Variants in ACADSB observed in about 807,000 individuals in gnomAD.
ACADSB encodes short/branched chain specific acyl-CoA dehydrogenase, mitochondrial.
A neutral mutation model predicts 54.1 loss-of-function variants in ACADSB; 40 were observed. That is an observed-to-expected ratio of 0.74 (90% CI 0.57 to 0.96). ACADSB has a LOEUF of 0.96. Ranked by LOEUF, ACADSB falls within the 40% of genes least tolerant of loss-of-function variation. The pLI, the probability that ACADSB is intolerant of heterozygous loss-of-function variation, is 0.00. For synonymous variants in ACADSB, 182 were observed against 182.8 expected (o/e 1.00, Z 0.03); for missense variants, 530 against 510.4 (o/e 1.04, Z -0.37).
At position 123,043,190 on chromosome 10, in the gene ACADSB, T is replaced by C. The variant is rs1850498424; in HGVS notation, c.807+19T>C. On this transcript the variant is annotated intron_variant, in intron 6 of 10. Transcript: ENST00000358776. ...TGTCAAGGTGGGTATCGTAGACTAATCAGTAAAAGACTGATGCGAAATAAG... is the reference window on the plus strand; with the variant it reads ...TGTCAAGGTGGGTATCGTAGACTAACCAGTAAAAGACTGATGCGAAATAAG... 5 of 1,613,008 alleles carry C rather than the reference T, an allele frequency of 3.1e-6. No homozygotes were observed. Among genetic ancestry groups the C allele is most frequent in the Non-Finnish European group, 4.2e-6 (5 of 1,179,270 alleles).
rs751622332 is a variant in ACADSB, at chr10:123,044,415, G to A, written c.830G>A (p.Gly277Glu). 5.0e-6 allele frequency: 8 copies of A among 1,613,556 alleles called. No homozygotes were observed. The highest frequency in any genetic ancestry group is 2.2e-5 in the East Asian group (1 of 44,866). Reference protein sequence around the residue: ...NVKVPEANILGQIGHGYKYAI... With the variant: ...NVKVPEANILEQIGHGYKYAI... ...CAGGTTCCAGAAGCCAATATCTTGG[G>A]ACAAATTGGACATGGCTATAAGTAT... is the stretch of plus-strand genomic sequence containing the variant. The change falls in exon 7 of 11, where the codon GGA becomes GAA. Residue 277 changes from glycine (G) to glutamate (E), a missense_variant. Coordinates refer to ENST00000358776, the MANE Select transcript of ACADSB (RefSeq NM_001609.4).
chr10:123,009,048 C>G lies in ACADSB; in HGVS notation c.19C>G (p.Arg7Gly), dbSNP rs1351638870. 4 of 1,547,612 alleles carry G rather than the reference C, an allele frequency of 2.6e-6. No homozygotes were observed. The highest frequency in any genetic ancestry group is 4.9e-5 in the East Asian group (2 of 40,898). ...GGCGAGGATGGAGGGCCTGGCAGTG[C>G]GGTTGCTGCGCGGCAGCAGGCTGGT... is the stretch of plus-strand genomic sequence containing the variant. Reference protein sequence around the residue: MEGLAVRLLRGSRLLRR... With the variant: MEGLAVGLLRGSRLLRR... Residue 7 changes from arginine (R) to glycine (G), a missense_variant, in exon 1 of 11, where the codon CGG becomes GGG. Arg to Gly is a moderately radical substitution (Grantham distance 125). Coordinates refer to ENST00000358776, the MANE Select transcript of ACADSB (RefSeq NM_001609.4).
chr10:123,040,794 T>C, intron 4 of ACADSB, 122 bp downstream of exon 4: 2 of 918,390 alleles, frequency 2.2e-6, no homozygotes, highest in South Asian at 2.9e-5. Context: ...GTATCATTAA[T>C]TCAAGCAATG....
In ACADSB at chr10:123,057,152, C is replaced by T. The variant is rs1850719430; in HGVS notation, c.*3387C>T. The T allele has an allele frequency of 6.6e-6, 1 of 152,234 alleles. No homozygotes were observed. Among genetic ancestry groups the T allele is most frequent in the African/African-American group, 2.4e-5 (1 of 41,442 alleles). 9.4% of individuals were successfully genotyped at this position (152,234 alleles called of 1,614,324 possible). A position where few individuals can be genotyped will look rare whatever the true frequency, so the allele number is the denominator to read the frequency against. On this transcript the variant is annotated 3_prime_UTR_variant, in exon 11 of 11. Transcript: ENST00000358776. Reference sequence around the variant, plus strand: ...AAGCCAACATTAGTAAAAGGAATCCCAACTTCTTCCCATAGAATTAGAAAC... The same window carrying T: ...AAGCCAACATTAGTAAAAGGAATCCTAACTTCTTCCCATAGAATTAGAAAC...
intron 1 of ACADSB, among the ~76,000 whole-genome samples, chr10:123,016,426 A>G (rs549537252): frequency 5.9e-5 from 9 of 152,220 alleles, no homozygotes; most frequent in Non-Finnish European, 1.2e-4. Flanking sequence ...TCAGCAGTCC[A>G]TGAGTGGTTG....
chr10:123,045,328 G>A (rs1378935326), intron 7 of ACADSB, among the ~76,000 whole-genome samples: 4 of 108,608 alleles, frequency 3.7e-5, no homozygotes, highest in South Asian at 3.6e-4. Flanking sequence ...ACAGGCGCCC[G>A]CCACCACGCC....
rs1459854391 is a variant in ACADSB, at chr10:123,045,160, TATATATATATA to T, written c.900+676_900+686del. Among the ~76,000 whole-genome samples the T allele has an allele frequency of 5.2e-3, 79 of 15,084 alleles. 1 individual carries two copies. The highest frequency in any genetic ancestry group is 9.5e-3 in the African/African-American group (31 of 3,260). 9.9% of individuals were successfully genotyped at this position (15,084 alleles called of 152,430 possible). ...ATATATATATATATATATATATATA[TATATATATATA>T]TTTTTTTTTTTTTTTTTTTTTTTTT... is the stretch of plus-strand genomic sequence containing the variant. On this transcript the variant is annotated intron_variant, in intron 7 of 10. Coordinates refer to ENST00000358776, the MANE Select transcript of ACADSB (RefSeq NM_001609.4).
chr10:123,021,423 T>C (rs1388319507), intron 1 of ACADSB, among the ~76,000 whole-genome samples: 1 of 152,230 alleles, frequency 6.6e-6, no homozygotes, highest in Non-Finnish European at 1.5e-5. Context: ...AGAATTTCTT[T>C]TACAAGATTA....
intron 5 of ACADSB, 95 bp from the exon 6 acceptor site, chr10:123,042,951 A>G (rs1850494358): frequency 6.9e-7 from 1 of 1,445,594 alleles, no homozygotes; most frequent in African/African-American, 1.4e-5. Context: ...ATTTATTACC[A>G]AAGTCCATTT....
intron 2 of ACADSB, among the ~76,000 whole-genome samples, chr10:123,035,005 A>C (rs1370082251): frequency 6.0e-5 from 9 of 149,354 alleles, no homozygotes; most frequent in Non-Finnish European, 1.3e-4. Flanking sequence ...GCTGGAGTGC[A>C]GTGGCGCAAT....
In ACADSB at chr10:123,033,288, G is replaced by A. The variant is rs76732868; in HGVS notation, c.43-1068G>A. Among the ~76,000 whole-genome samples, 1,006 of 152,326 alleles carry A rather than the reference G, an allele frequency of 6.6e-3. 7 individuals carry two copies. Among genetic ancestry groups the A allele is most frequent in the African/African-American group, 0.023 (949 of 41,568 alleles). The stretch of plus-strand genomic sequence containing the variant: ...CCCGGGTGAATCCAGAGCAGAGTAT[G>A]TCTGCTCCTAGGCACATAGTTGCAA... On this transcript the variant is annotated intron_variant, in intron 1 of 10. Coordinates refer to ENST00000358776, the MANE Select transcript of ACADSB (RefSeq NM_001609.4).
rs1348737402 is a variant in ACADSB, at chr10:123,054,454, A to G, written c.*689A>G. The G allele has an allele frequency of 6.6e-6, 1 of 152,234 alleles. No individual in the cohort carries two copies. The highest frequency in any genetic ancestry group is 1.5e-5 in the Non-Finnish European group (1 of 68,042). The allele number at this position is 152,234 out of a possible 1,614,324, so 9.4% of individuals were successfully genotyped here. A position where few individuals can be genotyped will look rare whatever the true frequency, so the allele number is the denominator to read the frequency against. ...TCCTATTAAATCTTAATCTTGTGGC[A>G]TCAGGGAAATATTTGTTACATAGTA... On this transcript the variant is annotated 3_prime_UTR_variant, in exon 11 of 11. Transcript: ENST00000358776.
Position 123,046,390 on chromosome 10 carries a change from G to C in ACADSB, c.901-819G>C, listed in dbSNP as rs143185853. Among the ~76,000 whole-genome samples, 746 of 152,222 alleles carry C rather than the reference G, an allele frequency of 4.9e-3. 3 individuals carry two copies. Among genetic ancestry groups the C allele is most frequent in the African/African-American group, 0.017 (710 of 41,524 alleles). ...CTACCTAATGTTGAAATTTAGAAAC[G>C]ATTTCTAAGCTTGAATCATATAATA... On this transcript the variant is annotated intron_variant, in intron 7 of 10. Transcript: ENST00000358776.
chr10:123,027,712 A>G, intron 1 of ACADSB: 2 of 294,808 alleles, frequency 6.8e-6, no homozygotes, highest in South Asian at 5.0e-5. Flanking sequence ...ACGGGTGTGT[A>G]TGGCCCCTTG....
chr10:123,041,125 C>T (rs891015389), intron 4 of ACADSB, 84 bp from the exon 5 acceptor site: 15 of 1,418,420 alleles, frequency 1.1e-5, no homozygotes, highest in African/African-American at 1.4e-5. Flanking sequence ...ATTTGATTTA[C>T]AAATGTCCAT....
At chr10:123,043,202 T>C (rs1050969877) in intron 6 of ACADSB, 31 bp downstream of exon 6, 2 of 1,612,046 alleles carry the variant, frequency 1.2e-6, no homozygotes, top group South Asian at 2.2e-5. Context: ...AGTAAAAGAC[T>C]GATGCGAAAT....
At chr10:123,045,695 A>G (rs995499725) in intron 7 of ACADSB, among the ~76,000 whole-genome samples, 1 of 152,190 alleles carries the variant, frequency 6.6e-6, no homozygotes, top group Admixed American at 6.5e-5. Flanking sequence ...ATATTGTTTT[A>G]TCAGTTCTCT....
At chr10:123,025,430 C>T (rs1029037314) in intron 1 of ACADSB, among the ~76,000 whole-genome samples, 1 of 151,940 alleles carries the variant, frequency 6.6e-6, no homozygotes, top group African/African-American at 2.4e-5. Flanking sequence ...CATCACTGCA[C>T]TCCAGCCTGG....
intron 3 of ACADSB, among the ~76,000 whole-genome samples, chr10:123,040,197 AAAAAT>A (rs1419030888): frequency 6.9e-6 from 1 of 144,132 alleles, no homozygotes; most frequent in Non-Finnish European, 1.5e-5. Context: ...AAAAAAAAAA[AAAAAT>A]TAGCTGGGTG....
Sources: allele counts gnomAD v4.1 joint callset (sites outside exome capture counted in the v4.1 genomes callset), GRCh38; gene constraint gnomAD v4.1.1; transcripts MANE v1.5; gene names NCBI Gene and HGNC (gene_info 2026-07-23, HGNC 2026-07-21).